Variants in GRIN2A observed in about 807,000 individuals in gnomAD.
GRIN2A encodes glutamate ionotropic receptor NMDA type subunit 2A.
In GRIN2A, 22 loss-of-function variants were observed where a neutral mutation model predicts 113.4. The observed-to-expected ratio is 0.19, with a 90% CI of 0.14 to 0.28. The LOEUF (loss-of-function observed/expected upper bound fraction) is 0.28. Ranked by LOEUF, GRIN2A falls within the 10% of genes least tolerant of loss-of-function variation. The pLI is 1.00. For missense variants in GRIN2A, 1,502 were observed against 1,887.0 expected, an observed-to-expected ratio of 0.80 and a Z score of 3.78; for synonymous variants, 827 against 738.4, an observed-to-expected ratio of 1.12 and a Z score of -1.94.
At chr16:10,006,969 C>G (rs145945228) in intron 2 of GRIN2A, among the ~76,000 whole-genome samples, 24 of 152,298 alleles carry the variant, frequency 1.6e-4, no homozygotes, top group African/African-American at 5.3e-4. Flanking sequence ...GGATCTCATT[C>G]TTTTTATGGC....
intron 2 of GRIN2A, among the ~76,000 whole-genome samples, chr16:10,167,451 C>A (rs1550961): frequency 1.3e-5 from 2 of 152,050 alleles, no homozygotes; most frequent in Non-Finnish European, 2.9e-5. Context: ...AAACAATTAA[C>A]CTTTTTCAAG....
intron 2 of GRIN2A, among the ~76,000 whole-genome samples, chr16:10,077,359 C>T (rs2047892912): frequency 2.6e-5 from 4 of 152,192 alleles, no homozygotes; most frequent in African/African-American, 9.7e-5. Flanking sequence ...CACATTAGCC[C>T]CTGACTTCGT....
At chr16:9,887,594 A>G (rs1362962611) in intron 4 of GRIN2A, among the ~76,000 whole-genome samples, 1 of 152,218 alleles carries the variant, frequency 6.6e-6, no homozygotes, top group Non-Finnish European at 1.5e-5. Flanking sequence ...ACATTGAATT[A>G]TTTCTGATGT....
At chr16:9,793,247 T>C (rs1902730671) in intron 11 of GRIN2A, among the ~76,000 whole-genome samples, 1 of 152,176 alleles carries the variant, frequency 6.6e-6, no homozygotes, top group Non-Finnish European at 1.5e-5. Flanking sequence ...AACAATTTTT[T>C]CCTTCCCTTT....
At chr16:10,115,208 C>T (rs78887419) in intron 2 of GRIN2A, among the ~76,000 whole-genome samples, 10,534 of 151,770 alleles carry the variant, frequency 0.069, 481 homozygotes, top group Non-Finnish European at 0.11. Flanking sequence ...ACTTTGTTGA[C>T]CACTCTTTTG....
chr16:10,089,427 T>C (rs893910410), intron 2 of GRIN2A, among the ~76,000 whole-genome samples: 1 of 152,312 alleles, frequency 6.6e-6, no homozygotes, highest in African/African-American at 2.4e-5. Context: ...CAACAATGAA[T>C]GTTAAATATG....
intron 8 of GRIN2A, among the ~76,000 whole-genome samples, chr16:9,831,314 T>C (rs1052716319): frequency 6.6e-6 from 1 of 152,130 alleles, no homozygotes; most frequent in African/African-American, 2.4e-5. Flanking sequence ...CCTGATTATC[T>C]GTATTTTCGT....
chr16:9,763,842 G>A lies in GRIN2A; in HGVS notation c.3702C>T (p.Phe1234=), dbSNP rs372083517. The change falls in exon 13 of 13, where the codon TTC becomes TTT. Residue 1234 remains phenylalanine, a synonymous_variant. Transcript: ENST00000330684. ...CCATCCGCAGGCAGGCATCGCACTTGAAGGGGGACCTCATGGTGAAGTGGC... is the reference window on the plus strand; with the variant it reads ...CCATCCGCAGGCAGGCATCGCACTTAAAGGGGGACCTCATGGTGAAGTGGC... The part of the protein sequence containing the change: ...YSGHFTMRSP[F]KCDACLRMGN... 1.3e-4 allele frequency: 208 copies of A among 1,614,134 alleles called. 1 individual carries two copies. In the East Asian group the frequency reaches 1.5e-3, roughly 12 times the overall value.
Position 9,885,084 on chromosome 16 carries a change from AGC to A in GRIN2A, c.1122+5900_1122+5901del, listed in dbSNP as rs35054391. Among the ~76,000 whole-genome samples the A allele has an allele frequency of 7.3e-3, 1,108 of 152,188 alleles. 4 individuals carry two copies. Among genetic ancestry groups the A allele is most frequent in the Non-Finnish European group, 0.01 (704 of 67,998 alleles). ...AGTTCACCCTTCTCTCCGCCTATGT[AGC>A]ACTTATAGCCATTTGTTCCAGGGTT... On this transcript the variant is annotated intron_variant, in intron 4 of 12. Transcript: ENST00000330684.
Position 10,172,960 on chromosome 16 carries a change from C to G in GRIN2A, c.414+7038G>C, listed in dbSNP as rs2050071925. Reference sequence around the variant, plus strand: ...CTCTCTCTTTCCCCACTCACTCTGCCTACAGTAGCATTTTCCATCTGAGGC... The same window carrying G: ...CTCTCTCTTTCCCCACTCACTCTGCGTACAGTAGCATTTTCCATCTGAGGC... On this transcript the variant is annotated intron_variant, in intron 2 of 12. Transcript: ENST00000330684. Among the ~76,000 whole-genome samples the G allele has an allele frequency of 2.0e-5, 3 of 152,226 alleles. No homozygotes were observed. The South Asian group carries it at 6.2e-4, about 32-fold the overall frequency.
At chr16:9,967,308 G>A (rs1461830063) in intron 2 of GRIN2A, among the ~76,000 whole-genome samples, 1 of 152,180 alleles carries the variant, frequency 6.6e-6, no homozygotes, top group Non-Finnish European at 1.5e-5. Flanking sequence ...AGATGAAGCT[G>A]GAAGCCATTA....
chr16:10,097,705 T>C (rs1474014767), intron 2 of GRIN2A, among the ~76,000 whole-genome samples: 1 of 152,138 alleles, frequency 6.6e-6, no homozygotes, highest in Non-Finnish European at 1.5e-5. Flanking sequence ...CATCCGACCC[T>C]CCTGCACTTT....
intron 2 of GRIN2A, among the ~76,000 whole-genome samples, chr16:10,134,187 T>C (rs557930396): frequency 1.0e-3 from 109 of 105,156 alleles, no homozygotes; most frequent in African/African-American, 3.6e-3. Flanking sequence ...GGTGAGACAC[T>C]GTTTCCAGAA....
chr16:9,797,091 T>C (rs1187960094), intron 11 of GRIN2A, among the ~76,000 whole-genome samples: 1 of 152,258 alleles, frequency 6.6e-6, no homozygotes, highest in Non-Finnish European at 1.5e-5. Flanking sequence ...GAATTCACAC[T>C]AACCCTATGC....
In GRIN2A at chr16:9,779,044, G is replaced by A. The variant is rs187801043; in HGVS notation, c.2357-9955C>T. Among the ~76,000 whole-genome samples the A allele has an allele frequency of 7.9e-5, 12 of 152,356 alleles. No individual in the cohort carries two copies. In the South Asian group the frequency reaches 2.5e-3, roughly 32 times the overall value. On this transcript the variant is annotated intron_variant, in intron 11 of 12. Coordinates refer to ENST00000330684, the MANE Select transcript of GRIN2A (RefSeq NM_001134407.3). ...GCATCACACAAGGCAAGAATGAAGAGTCAGCCCGAGAAAGAGAGAATGTGG... is the reference window on the plus strand; with the variant it reads ...GCATCACACAAGGCAAGAATGAAGAATCAGCCCGAGAAAGAGAGAATGTGG...
chr16:10,154,252 G>A (rs570132616), intron 2 of GRIN2A, among the ~76,000 whole-genome samples: 10 of 152,254 alleles, frequency 6.6e-5, no homozygotes, highest in South Asian at 6.2e-4. Context: ...GCCAACCCTC[G>A]GTGGGCACGT....
chr16:9,850,825 T>C (rs555427428), intron 4 of GRIN2A, among the ~76,000 whole-genome samples: 282 of 152,276 alleles, frequency 1.9e-3, no homozygotes, highest in African/African-American at 5.4e-3. Flanking sequence ...TGCAATCAAA[T>C]TGAAGGCTGT....
At chr16:10,131,308 T>C (rs2049056650) in intron 2 of GRIN2A, among the ~76,000 whole-genome samples, 2 of 152,160 alleles carry the variant, frequency 1.3e-5, no homozygotes, top group Non-Finnish European at 2.9e-5. Flanking sequence ...ACCAGTCTCA[T>C]GCCTGCAGGT....
At chr16:10,061,121 T>A (rs563109496) in intron 2 of GRIN2A, among the ~76,000 whole-genome samples, 1 of 152,318 alleles carries the variant, frequency 6.6e-6, no homozygotes, top group South Asian at 2.1e-4. Flanking sequence ...AGCTAGAGTG[T>A]GCCCTTTTTG....
Sources: gnomAD v4.1 joint callset for allele counts (sites outside exome capture counted in the v4.1 genomes callset) on GRCh38, gnomAD v4.1.1 for gene constraint, MANE v1.5 for transcripts, NCBI Gene and HGNC (gene_info 2026-07-23, HGNC 2026-07-21) for gene names.